COL4A3: variants seen among roughly 807,000 people sequenced by gnomAD.
COL4A3 encodes collagen alpha-3(IV) chain.
Under a neutral mutation model 217.4 loss-of-function variants are expected in COL4A3, and 135 were observed. The ratio of observed to expected loss-of-function variants is 0.62; its 90% CI spans 0.54 to 0.72. The LOEUF (loss-of-function observed/expected upper bound fraction) is 0.72, where lower values mean the gene tolerates loss of function less well. Ranked by LOEUF, COL4A3 falls within the 30% of genes least tolerant of loss-of-function variation. The pLI is 0.00. For missense variants in COL4A3, 1,868 were observed against 2,119.9 expected (o/e 0.88, Z 2.33); for synonymous variants, 690 against 736.3 (o/e 0.94, Z 1.02).
intron 25 of COL4A3, 113 bp downstream of exon 25, chr2:227,271,065 C>G: frequency 1.1e-6 from 1 of 918,616 alleles, no homozygotes. Flanking sequence ...ATCACTCTAA[C>G]TGCAGAATGA....
At chr2:227,254,281 A>G in intron 14 of COL4A3, 107 bp downstream of exon 14, 2 of 992,708 alleles carry the variant, frequency 2.0e-6, no homozygotes, top group South Asian at 1.4e-5. Flanking sequence ...AAAGAAAGTA[A>G]AGGAATAAAA....
At position 227,290,085 on chromosome 2, in the gene COL4A3, CCA is replaced by C. The variant is rs1064796094; in HGVS notation, c.3068_3069del (p.Pro1023ArgfsTer3). ...AGGAAGCATGGGGAACATGGGCATG[CCA>C]GGTAATGCATAAGGTCCTGTTATGA... Reference protein sequence around the residue: ...IPGSMGNMGMPGSKGKRGTLG... With the variant: ...IPGSMGNMGMXGSKGKRGTLG... On this transcript the variant is annotated frameshift_variant and splice_region_variant, in exon 36 of 52. Coordinates refer to ENST00000396578, the MANE Select transcript of COL4A3 (RefSeq NM_000091.5). LOFTEE classifies it high-confidence loss of function. The C allele has an allele frequency of 6.2e-7, 1 of 1,613,864 alleles. No individual in the cohort carries two copies. The highest frequency in any genetic ancestry group is 8.5e-7 in the Non-Finnish European group (1 of 1,179,772).
intron 1 of COL4A3, among the ~76,000 whole-genome samples, chr2:227,214,531 T>A (rs10205764): frequency 0.076 from 11,630 of 152,310 alleles, 655 homozygotes; most frequent in African/African-American, 0.15. Flanking sequence ...CTTGCTTTAA[T>A]TCCAAATCAC....
At chr2:227,201,708 G>A (rs1201353531) in intron 1 of COL4A3, among the ~76,000 whole-genome samples, 1 of 152,156 alleles carries the variant, frequency 6.6e-6, no homozygotes, top group East Asian at 1.9e-4. Flanking sequence ...AAACAGAAAG[G>A]ATTCTGAATG....
intron 1 of COL4A3, among the ~76,000 whole-genome samples, chr2:227,176,809 G>T (rs1205109802): frequency 6.6e-6 from 1 of 152,144 alleles, no homozygotes; most frequent in Non-Finnish European, 1.5e-5. Context: ...GACGAAGTTT[G>T]TCTGGAGAGA....
chr2:227,262,195 A>T (rs2070622302), intron 20 of COL4A3, among the ~76,000 whole-genome samples: 1 of 152,218 alleles, frequency 6.6e-6, no homozygotes, highest in East Asian at 1.9e-4. Context: ...GATATACCTC[A>T]AACTGTTAAT....
chr2:227,207,191 T>A (rs2067133299), intron 1 of COL4A3, among the ~76,000 whole-genome samples: 1 of 152,148 alleles, frequency 6.6e-6, no homozygotes, highest in African/African-American at 2.4e-5. Flanking sequence ...CATTCCAGGT[T>A]TCTAAACTAA....
chr2:227,232,711 G>A (rs2068474284), intron 1 of COL4A3, among the ~76,000 whole-genome samples: 1 of 151,826 alleles, frequency 6.6e-6, no homozygotes, highest in African/African-American at 2.4e-5. Context: ...CCCATTTTTT[G>A]ACCAGATGGT....
At position 227,310,709 on chromosome 2, in the gene COL4A3, A is replaced by G. The variant is rs1385044916; in HGVS notation, c.4756-67A>G. The G allele has an allele frequency of 9.7e-6, 13 of 1,344,496 alleles. No individual in the cohort carries two copies. In the East Asian group the frequency reaches 2.8e-4, roughly 29 times the overall value. The allele number at this position is 1,344,496 out of a possible 1,614,324, so 83.3% of individuals were successfully genotyped here. On this transcript the variant is annotated intron_variant, in intron 50 of 51. Coordinates refer to ENST00000396578, the MANE Select transcript of COL4A3 (RefSeq NM_000091.5). ...AGTTGCCCATTCATTCAAAAAAAAA[A>G]GTAGAGAATTGAAAATTTGAACCCC...
chr2:227,216,660 TAAATG>T, intron 1 of COL4A3, among the ~76,000 whole-genome samples: 1 of 152,294 alleles, frequency 6.6e-6, no homozygotes, highest in East Asian at 1.9e-4. Context: ...ATCCTGCAAT[TAAATG>T]ATATAAATGC....
At chr2:227,228,217 C>T (rs1280534857) in intron 1 of COL4A3, among the ~76,000 whole-genome samples, 1 of 152,186 alleles carries the variant, frequency 6.6e-6, no homozygotes, top group South Asian at 2.1e-4. Flanking sequence ...AGCTTCAGGG[C>T]GGGGCAGGCG....
At position 227,282,683 on chromosome 2, in the gene COL4A3, T is replaced by C. The variant is rs899707333; in HGVS notation, c.2656+151T>C. The C allele has an allele frequency of 1.3e-5, 10 of 771,974 alleles. 1 individual carries two copies. In the African/African-American group the frequency reaches 1.4e-4, roughly 11 times the overall value. The allele number at this position is 771,974 out of a possible 1,614,324, so 47.8% of individuals were successfully genotyped here. On this transcript the variant is annotated intron_variant, in intron 32 of 51. Coordinates refer to ENST00000396578, the MANE Select transcript of COL4A3 (RefSeq NM_000091.5). This position sits in a 1 kb window ranked among gnomAD's most constrained non-coding sequence, Gnocchi z 4.4. ...ATTATTTGTAAGAAACCAGGGGCCA[T>C]GGTGCAGGGAAACGGTGGCGGCAGG...
At chr2:227,268,392 G>A (rs2071043629) in intron 23 of COL4A3, 1 of 152,366 alleles carries the variant, frequency 6.6e-6, no homozygotes, top group Non-Finnish European at 1.5e-5. Context: ...GCTGTCGCCT[G>A]TCTCCTAGGG....
In COL4A3 at chr2:227,250,671, G is replaced by T. The variant is rs1559866537; in HGVS notation, c.547-469G>T. Among the ~76,000 whole-genome samples, 1 of 152,120 alleles carries T rather than the reference G, an allele frequency of 6.6e-6. No homozygotes were observed. The highest frequency in any genetic ancestry group is 1.5e-5 in the Non-Finnish European group (1 of 68,032). On this transcript the variant is annotated intron_variant, in intron 9 of 51. Transcript: ENST00000396578. This position sits in a 1 kb window ranked among gnomAD's most constrained non-coding sequence, Gnocchi z 4.1. ...TAGGAAGTGTCTGGGTTGGAAGGTG[G>T]GTTACAACTTTGGATAAGCAGGAAG...
chr2:227,258,017 C>T (rs1190270322), intron 18 of COL4A3, among the ~76,000 whole-genome samples: 2 of 152,220 alleles, frequency 1.3e-5, no homozygotes, highest in Non-Finnish European at 2.9e-5. Context: ...GTGTTTAATA[C>T]ATGGTCAGCA....
chr2:227,244,677 AT>A (rs376871749), intron 4 of COL4A3: 1 of 631,770 alleles, frequency 1.6e-6, no homozygotes, highest in African/African-American at 1.8e-5. Context: ...TTCTCAAAAG[AT>A]TGGAGCACTT....
intron 1 of COL4A3, among the ~76,000 whole-genome samples, chr2:227,208,261 G>A (rs2067175930): frequency 6.6e-6 from 1 of 152,180 alleles, no homozygotes; most frequent in South Asian, 2.1e-4. Context: ...GTTTGCCTTT[G>A]CAGGACTAAC....
At chr2:227,201,296 A>G (rs1196470190) in intron 1 of COL4A3, among the ~76,000 whole-genome samples, 2 of 152,192 alleles carry the variant, frequency 1.3e-5, no homozygotes, top group African/African-American at 2.4e-5. Flanking sequence ...AGGAAAAAAA[A>G]ATTCCTCTGT....
intron 1 of COL4A3, among the ~76,000 whole-genome samples, chr2:227,234,180 GAGAGAGAA>G (rs1401524506): frequency 6.6e-6 from 1 of 152,088 alleles, no homozygotes; most frequent in Non-Finnish European, 1.5e-5. Context: ...TGTATGTGGA[GAGAGAGAA>G]AGAGAGAAGG....
Sources: allele counts gnomAD v4.1 joint callset (sites outside exome capture counted in the v4.1 genomes callset), GRCh38; gene constraint gnomAD v4.1.1; non-coding constraint Gnocchi (gnomAD v3.1); transcripts MANE v1.5; gene names NCBI Gene and HGNC (gene_info 2026-07-23, HGNC 2026-07-21).